CTNND2: variants seen among roughly 807,000 people sequenced by gnomAD.
CTNND2 encodes the protein catenin delta-2.
In CTNND2, 22 loss-of-function variants were observed where a neutral mutation model predicts 144.4. That is an observed-to-expected ratio of 0.15 (90% CI 0.11 to 0.22). CTNND2 has a LOEUF of 0.22. CTNND2 is among the 10% of genes least tolerant of loss of function. The pLI, the probability that CTNND2 is intolerant of heterozygous loss-of-function variation, is 1.00. For missense variants in CTNND2, 1,353 were observed against 1,618.8 expected, an observed-to-expected ratio of 0.84 and a Z score of 2.82; for synonymous variants, 751 against 695.6, an observed-to-expected ratio of 1.08 and a Z score of -1.25.
At chr5:11,622,864 T>A (rs1342121203) in intron 2 of CTNND2, among the ~76,000 whole-genome samples, 1 of 152,202 alleles carries the variant, frequency 6.6e-6, no homozygotes, top group Non-Finnish European at 1.5e-5. Flanking sequence ...TTCAGAATGA[T>A]TAAAACAACT....
intron 2 of CTNND2, among the ~76,000 whole-genome samples, chr5:11,565,605 T>C (rs1296312676): frequency 6.6e-6 from 1 of 152,228 alleles, no homozygotes; most frequent in Non-Finnish European, 1.5e-5. Context: ...AGAATGACAA[T>C]GATACCAATT....
chr5:11,571,846 G>A (rs911555639), intron 2 of CTNND2, among the ~76,000 whole-genome samples: 1 of 152,214 alleles, frequency 6.6e-6, no homozygotes, highest in East Asian at 1.9e-4. Context: ...GGGTTTACCA[G>A]CTCATGAATT....
chr5:11,156,036 C>T (rs1397766923), intron 12 of CTNND2, among the ~76,000 whole-genome samples: 1 of 152,028 alleles, frequency 6.6e-6, no homozygotes, highest in Admixed American at 6.6e-5. Context: ...AATGGGGTGG[C>T]GTTAGGGCAT....
intron 5 of CTNND2, among the ~76,000 whole-genome samples, chr5:11,407,002 G>A (rs910714853): frequency 4.3e-5 from 6 of 140,098 alleles, no homozygotes; most frequent in Admixed American, 6.7e-5. Flanking sequence ...TTAAACATAC[G>A]AGTTATTTTT....
intron 6 of CTNND2, 149 bp from the exon 7 acceptor site, chr5:11,385,378 C>G (rs995236888): frequency 4.0e-5 from 14 of 353,666 alleles, no homozygotes; most frequent in African/African-American, 2.7e-4. Flanking sequence ...CGGGGCAGTA[C>G]GCGAACCTGC....
chr5:11,889,704 TATATG>T (rs1237344125), intron 1 of CTNND2, among the ~76,000 whole-genome samples: 1 of 152,224 alleles, frequency 6.6e-6, no homozygotes, highest in Non-Finnish European at 1.5e-5. Context: ...AGACATTTCT[TATATG>T]AGATGAAATA....
chr5:11,409,821 C>A (rs182052522), intron 5 of CTNND2, among the ~76,000 whole-genome samples: 64 of 152,142 alleles, frequency 4.2e-4, no homozygotes, highest in Non-Finnish European at 6.6e-4. Flanking sequence ...TAACTACTTT[C>A]TTTGTTTACT....
chr5:11,697,237 CCT>C (rs1379453596), intron 2 of CTNND2, among the ~76,000 whole-genome samples: 4 of 152,178 alleles, frequency 2.6e-5, no homozygotes, highest in Middle Eastern at 3.4e-3. Flanking sequence ...GCAAGCTGCC[CCT>C]GATTCTAACC....
At chr5:11,605,841 C>T (rs1040939078) in intron 2 of CTNND2, among the ~76,000 whole-genome samples, 2 of 152,092 alleles carry the variant, frequency 1.3e-5, no homozygotes, top group Non-Finnish European at 2.9e-5. Context: ...AGATGTCCCC[C>T]GCCCAAGTCC....
intron 11 of CTNND2, among the ~76,000 whole-genome samples, chr5:11,179,292 C>CA (rs1204155297): frequency 4.0e-5 from 6 of 149,292 alleles, no homozygotes; most frequent in East Asian, 3.9e-4. Context: ...GACTCCATCT[C>CA]AAAAAAAAGC....
At chr5:11,522,126 T>C (rs380177) in intron 3 of CTNND2, among the ~76,000 whole-genome samples, 63,730 of 151,714 alleles carry the variant, frequency 0.42, 13,989 homozygotes, top group South Asian at 0.55. Flanking sequence ...AAACATTAAA[T>C]AGGTAACTGT....
chr5:11,669,113 C>T (rs564220295), intron 2 of CTNND2, among the ~76,000 whole-genome samples: 2 of 152,168 alleles, frequency 1.3e-5, no homozygotes, highest in East Asian at 3.9e-4. Context: ...AGGGATGAAG[C>T]CGACTTGATC....
At chr5:11,663,181 G>A (rs529397982) in intron 2 of CTNND2, among the ~76,000 whole-genome samples, 31 of 152,256 alleles carry the variant, frequency 2.0e-4, no homozygotes, top group Admixed American at 9.2e-4. Context: ...TAAAGTGGTC[G>A]TGGCATCATA....
At position 11,560,606 on chromosome 5, in the gene CTNND2, A is replaced by G. The variant is rs1012645412; in HGVS notation, c.287+4338T>C. Among the ~76,000 whole-genome samples, 6 of 152,266 alleles carry G rather than the reference A, an allele frequency of 3.9e-5. No individual in the cohort carries two copies. In the East Asian group the frequency reaches 9.7e-4, roughly 25 times the overall value. On this transcript the variant is annotated intron_variant, in intron 3 of 21. Transcript: ENST00000304623. ...TAAAGTCAATGGAGTGATAGCCCCAACCCTTCTCCAACACTTTGTGAAGTT... is the reference window on the plus strand; with the variant it reads ...TAAAGTCAATGGAGTGATAGCCCCAGCCCTTCTCCAACACTTTGTGAAGTT...
At chr5:11,531,649 G>A (rs1561521741) in intron 3 of CTNND2, among the ~76,000 whole-genome samples, 1 of 151,962 alleles carries the variant, frequency 6.6e-6, no homozygotes, top group Non-Finnish European at 1.5e-5. Context: ...CAAAAAGACA[G>A]GGAGAGCCAC....
intron 1 of CTNND2, among the ~76,000 whole-genome samples, chr5:11,849,698 T>C (rs904860138): frequency 6.6e-6 from 1 of 152,082 alleles, no homozygotes; most frequent in African/African-American, 2.4e-5. Flanking sequence ...AAACCACAAG[T>C]TGGAGGGTTG....
chr5:11,295,093 C>T (rs148861324), intron 9 of CTNND2, among the ~76,000 whole-genome samples: 11,968 of 152,066 alleles, frequency 0.079, 638 homozygotes, highest in South Asian at 0.15. Context: ...CCACTGTCTC[C>T]GCCCAAAATC....
chr5:11,027,788 C>T (rs960319023), intron 16 of CTNND2, among the ~76,000 whole-genome samples: 1 of 152,228 alleles, frequency 6.6e-6, no homozygotes, highest in Admixed American at 6.5e-5. Flanking sequence ...AAGGGACTCA[C>T]TCAGGAGACC....
intron 2 of CTNND2, among the ~76,000 whole-genome samples, chr5:11,579,914 G>A (rs942545326): frequency 5.3e-5 from 8 of 152,196 alleles, no homozygotes; most frequent in Admixed American, 1.3e-4. Flanking sequence ...CCCGGCAGCT[G>A]TTCCCTACAT....
Sources: allele counts gnomAD v4.1 joint callset (sites outside exome capture counted in the v4.1 genomes callset), GRCh38; gene constraint gnomAD v4.1.1; transcripts MANE v1.5; gene names NCBI Gene and HGNC (gene_info 2026-07-23, HGNC 2026-07-21).